Variants in TES observed in about 807,000 individuals in gnomAD.
TES encodes testin.
In TES, 41 loss-of-function variants were observed where a neutral mutation model predicts 48.2. That is an observed-to-expected ratio of 0.85 (90% confidence interval 0.66 to 1.10). The LOEUF (loss-of-function observed/expected upper bound fraction) is 1.10, where lower values mean the gene tolerates loss of function less well. TES is among the 50% of genes least tolerant of loss of function. The pLI is 0.00. For missense variants in TES, 463 were observed against 515.1 expected, an observed-to-expected ratio of 0.90 and a Z score of 0.98; for synonymous variants, 162 against 174.9, an observed-to-expected ratio of 0.93 and a Z score of 0.58.
intron 2 of TES, among the ~76,000 whole-genome samples, chr7:116,241,999 A>G (rs1799854927): frequency 6.6e-6 from 1 of 152,178 alleles, no homozygotes; most frequent in Non-Finnish European, 1.5e-5. Flanking sequence ...TTTCACTTGT[A>G]TCTTTTATTA....
chr7:116,254,758 A>G (rs2463639), intron 6 of TES, among the ~76,000 whole-genome samples: 59,568 of 116,144 alleles, frequency 0.51, 12,801 homozygotes, highest in Middle Eastern at 0.62. Flanking sequence ...ATATATATAT[A>G]TGTGTGTGTG....
intron 2 of TES, among the ~76,000 whole-genome samples, chr7:116,240,293 A>T (rs563854682): frequency 9.1e-4 from 139 of 152,318 alleles, no homozygotes; most frequent in Admixed American, 2.3e-3. Flanking sequence ...GCCTTGGAAA[A>T]ATAGTAAGTT....
At chr7:116,249,541 T>A in intron 3 of TES, 1 of 388,388 alleles carries the variant, frequency 2.6e-6, no homozygotes, top group Non-Finnish European at 4.6e-6. Context: ...ATGTTTTATA[T>A]CAATCTAGTA....
chr7:116,250,128 A>G lies in TES; in HGVS notation c.367-33A>G, dbSNP rs778718764. On this transcript the variant is annotated intron_variant, in intron 3 of 6. Transcript: ENST00000358204. ...GAAACATCACACTGCCTAATGGCCAATCCCAGTTAACATTGGCCTCCTTGT... is the reference window on the plus strand; with the variant it reads ...GAAACATCACACTGCCTAATGGCCAGTCCCAGTTAACATTGGCCTCCTTGT... The G allele has an allele frequency of 6.0e-6, 9 of 1,489,198 alleles. No homozygotes were observed. The South Asian group carries it at 8.6e-5, about 14-fold the overall frequency. The allele number at this position is 1,489,198 out of a possible 1,614,324, so 92.2% of individuals were successfully genotyped here.
At position 116,249,076 on chromosome 7, in the gene TES, A is replaced by G. The variant is rs1799965075; in HGVS notation, c.170A>G (p.Asn57Ser). 1.9e-6 allele frequency: 3 copies of G among 1,614,010 alleles called. No homozygotes were observed. The highest frequency in any genetic ancestry group is 2.5e-6 in the Non-Finnish European group (3 of 1,179,864). ...GAAGAGCATGATGTCCTCTTGAGCA[A>G]TGAAGAGGATCGAAAAGTGGGAAAA... ...GQEEHDVLLSNEEDRKVGKLF... is the reference protein window; with the variant it reads ...GQEEHDVLLSSEEDRKVGKLF... Residue 57 changes from asparagine (N) to serine (S), a missense_variant, in exon 3 of 7, where the codon AAT (asparagine) becomes AGT (serine). Physicochemically the swap from Asn to Ser is conservative, Grantham distance 46. Transcript: ENST00000358204.
At chr7:116,245,456 G>A (rs1799909738) in intron 2 of TES, among the ~76,000 whole-genome samples, 1 of 152,068 alleles carries the variant, frequency 6.6e-6, no homozygotes, top group Admixed American at 6.5e-5. Context: ...ACCTCAGCCT[G>A]GACTTCATTG....
chr7:116,246,797 G>C (rs185243954), intron 2 of TES, among the ~76,000 whole-genome samples: 8 of 152,008 alleles, frequency 5.3e-5, no homozygotes, highest in Admixed American at 5.2e-4. Context: ...CCTTCTTCAC[G>C]AGTTTGAAGT....
Position 116,234,704 on chromosome 7 carries a change from C to T in TES, c.113+85C>T. On this transcript the variant is annotated intron_variant, in intron 2 of 6. Transcript: ENST00000358204. ...GACAGTGGAGATATCTTCGAGTTCT[C>T]CAGCATGGTTGCTAAGTTGCAGACC... The T allele has an allele frequency of 9.9e-6, 11 of 1,109,706 alleles. No homozygotes were observed. In the South Asian group the frequency reaches 1.0e-4, roughly 10 times the overall value. The allele number at this position is 1,109,706 out of a possible 1,614,324, so 68.7% of individuals were successfully genotyped here.
chr7:116,213,483 A>G (rs1799461583), intron 1 of TES, among the ~76,000 whole-genome samples: 2 of 152,218 alleles, frequency 1.3e-5, no homozygotes, highest in African/African-American at 4.8e-5. Context: ...ATGTAAAAAG[A>G]ATTAAGGAGG....
intron 1 of TES, among the ~76,000 whole-genome samples, chr7:116,223,332 T>G (rs943581919): frequency 5.9e-5 from 9 of 152,212 alleles, no homozygotes; most frequent in Non-Finnish European, 8.8e-5. Context: ...TGATGTCACA[T>G]GGAGGTACTG....
Position 116,210,630 on chromosome 7 carries a change from C to A in TES, c.-78C>A. The A allele has an allele frequency of 1.6e-6, 2 of 1,276,420 alleles. No individual in the cohort carries two copies. Among genetic ancestry groups the A allele is most frequent in the Admixed American group, 3.9e-5 (1 of 25,712 alleles). The allele number at this position is 1,276,420 out of a possible 1,614,324, so 79.1% of individuals were successfully genotyped here. A position where few individuals can be genotyped will look rare whatever the true frequency, so the allele number is the denominator to read the frequency against. ...GAGTTCCGCAGGTTTCCCGTGTTCGCAGCGGAGCCGGAGGCCAGCTGAACC... is the reference window on the plus strand; with the variant it reads ...GAGTTCCGCAGGTTTCCCGTGTTCGAAGCGGAGCCGGAGGCCAGCTGAACC... On this transcript the variant is annotated 5_prime_UTR_variant, in exon 1 of 7. Transcript: ENST00000358204.
At chr7:116,213,280 T>G (rs1423585832) in intron 1 of TES, among the ~76,000 whole-genome samples, 4 of 152,186 alleles carry the variant, frequency 2.6e-5, no homozygotes, top group Non-Finnish European at 5.9e-5. Context: ...TCAAGAAAAT[T>G]TATAGTTTGA....
intron 2 of TES, among the ~76,000 whole-genome samples, chr7:116,235,272 CTCT>C (rs1799754644): frequency 6.6e-6 from 1 of 152,114 alleles, no homozygotes; most frequent in Non-Finnish European, 1.5e-5. Context: ...TTTAATTATT[CTCT>C]TCTTAAAAAT....
intron 1 of TES, chr7:116,211,395 T>A (rs1799437207): frequency 6.6e-6 from 1 of 152,224 alleles, no homozygotes; most frequent in South Asian, 2.1e-4. Context: ...CAAAGGGCGG[T>A]TGTCACCAGC....
chr7:116,252,186 TA>T, intron 5 of TES, 131 bp from the exon 6 acceptor site: 1 of 1,090,942 alleles, frequency 9.2e-7, no homozygotes, highest in Non-Finnish European at 1.3e-6. Context: ...TGATTTAGAC[TA>T]AACTAAGTGA....
In TES at chr7:116,257,532, A is replaced by G; in HGVS notation, c.*50A>G. 4 of 1,335,126 alleles carry G rather than the reference A, an allele frequency of 3.0e-6. No homozygotes were observed. Among genetic ancestry groups the G allele is most frequent in the East Asian group, 2.7e-5 (1 of 37,072 alleles). 82.7% of individuals were successfully genotyped at this position (1,335,126 alleles called of 1,614,324 possible). On this transcript the variant is annotated 3_prime_UTR_variant, in exon 7 of 7. Transcript: ENST00000358204. ...GCCATAGCTATCCAAAGTGGTCTGC[A>G]TTTCTACTGTAAAATGCAATTTGAA...
intron 2 of TES, among the ~76,000 whole-genome samples, chr7:116,240,432 T>G (rs974106184): frequency 6.6e-6 from 1 of 152,140 alleles, no homozygotes; most frequent in African/African-American, 2.4e-5. Flanking sequence ...GTTCTTGCAT[T>G]CGCTCTCCCA....
At position 116,258,059 on chromosome 7, in the gene TES, A is replaced by G. The variant is rs544376865; in HGVS notation, c.*577A>G. On this transcript the variant is annotated 3_prime_UTR_variant, in exon 7 of 7. Coordinates refer to ENST00000358204, the MANE Select transcript of TES (RefSeq NM_015641.4). ...TTTAGGCAGAGGTGGCATTTTCTTT[A>G]TTGCATTTCTCTATTTTTTTAATGT... 2.0e-5 allele frequency: 3 copies of G among 151,904 alleles called. No homozygotes were observed. Among genetic ancestry groups the G allele is most frequent in the African/African-American group, 7.2e-5 (3 of 41,420 alleles). The allele number at this position is 151,904 out of a possible 1,614,324, so 9.4% of individuals were successfully genotyped here. A position where few individuals can be genotyped will look rare whatever the true frequency, so the allele number is the denominator to read the frequency against.
intron 3 of TES, 38 bp from the exon 4 acceptor site, chr7:116,250,123 G>C: frequency 6.7e-7 from 1 of 1,481,870 alleles, no homozygotes; most frequent in Non-Finnish European, 9.0e-7. Flanking sequence ...ACTGCCTAAT[G>C]GCCAATCCCA....
Sources: allele counts gnomAD v4.1 joint callset (sites outside exome capture counted in the v4.1 genomes callset), GRCh38; gene constraint gnomAD v4.1.1; transcripts MANE v1.5; gene names NCBI Gene and HGNC (gene_info 2026-07-23, HGNC 2026-07-21).